RPS6KC1: variants seen among roughly 807,000 people sequenced by gnomAD.
The protein encoded by RPS6KC1 is ribosomal protein S6 kinase C1, also known as inactive ribosomal protein S6 kinase delta-1.
Under a neutral mutation model 103.8 loss-of-function variants are expected in RPS6KC1, and 54 were observed. The ratio of observed to expected loss-of-function variants is 0.52; its 90% CI spans 0.42 to 0.65. RPS6KC1 has a LOEUF of 0.65. Ranked by LOEUF, RPS6KC1 falls within the 30% of genes least tolerant of loss-of-function variation. RPS6KC1 has a pLI of 0.00. For missense variants in RPS6KC1, 1,151 were observed against 1,253.8 expected, an observed-to-expected ratio of 0.92 and a Z score of 1.24; for synonymous variants, 439 against 438.7, an observed-to-expected ratio of 1.00 and a Z score of -0.01.
chr1:213,829,013 G>A, the RPS6KC1 span, among the ~76,000 whole-genome samples: 1 of 152,152 alleles, frequency 6.6e-6, no homozygotes, highest in Non-Finnish European at 1.5e-5. Context: ...GCTAGTGGGT[G>A]CAGAGAGTGG....
the RPS6KC1 span, among the ~76,000 whole-genome samples, chr1:213,666,317 A>G: frequency 6.6e-6 from 1 of 152,140 alleles, no homozygotes; most frequent in Non-Finnish European, 1.5e-5. Context: ...TACATGACCA[A>G]TTATCTCCTC....
chr1:213,605,476 A>G, the RPS6KC1 span, among the ~76,000 whole-genome samples: 1 of 152,236 alleles, frequency 6.6e-6, no homozygotes, highest in African/African-American at 2.4e-5. Flanking sequence ...ATTTAATGTC[A>G]AAATGTACAC....
chr1:213,140,035 T>G (rs1378873204), intron 6 of RPS6KC1, among the ~76,000 whole-genome samples: 2 of 152,114 alleles, frequency 1.3e-5, no homozygotes, highest in African/African-American at 4.8e-5. Flanking sequence ...TGTTTTATAA[T>G]TCTCATTGTA....
chr1:213,712,166 T>C, the RPS6KC1 span, among the ~76,000 whole-genome samples: 2 of 152,234 alleles, frequency 1.3e-5, no homozygotes, highest in Non-Finnish European at 2.9e-5. Flanking sequence ...GTTTTATCTA[T>C]AAGCCTCTGA....
the RPS6KC1 span, among the ~76,000 whole-genome samples, chr1:213,403,120 TC>T: frequency 1.3e-5 from 2 of 151,802 alleles, no homozygotes; most frequent in African/African-American, 4.8e-5. Context: ...AGAGCAAGAC[TC>T]CGTCTCAAAA....
downstream of RPS6KC1, among the ~76,000 whole-genome samples, chr1:213,277,768 T>G (rs772602033): frequency 6.6e-6 from 1 of 152,240 alleles, no homozygotes; most frequent in Non-Finnish European, 1.5e-5. Flanking sequence ...GTGATTTCTT[T>G]TGGGCAGGAA....
chr1:213,465,900 T>G, the RPS6KC1 span, among the ~76,000 whole-genome samples: 1 of 152,106 alleles, frequency 6.6e-6, no homozygotes, highest in African/African-American at 2.4e-5. Context: ...ACAACTGCCC[T>G]CATTTCCCCA....
At chr1:213,211,261 C>T (rs111405994) in intron 8 of RPS6KC1, among the ~76,000 whole-genome samples, 1,589 of 152,250 alleles carry the variant, frequency 0.01, 31 homozygotes, top group African/African-American at 0.036. Context: ...TGGCATGAGC[C>T]GAACTTGGGC....
chr1:213,206,884 G>T (rs974098188), intron 8 of RPS6KC1, among the ~76,000 whole-genome samples: 3 of 152,146 alleles, frequency 2.0e-5, no homozygotes, highest in African/African-American at 4.8e-5. Context: ...AGGCCAAGGT[G>T]GGCGGATCAC....
At chr1:213,176,347 C>T (rs1353257914) in intron 7 of RPS6KC1, 53 bp from the exon 8 acceptor site, 1 of 1,252,522 alleles carries the variant, frequency 8.0e-7, no homozygotes, top group African/African-American at 1.5e-5. Flanking sequence ...AGCAGGCAGC[C>T]TTCCTTCAAG....
At chr1:213,756,122 AT>A in the RPS6KC1 span, among the ~76,000 whole-genome samples, 2 of 152,194 alleles carry the variant, frequency 1.3e-5, no homozygotes, top group East Asian at 3.9e-4. Flanking sequence ...CAAGGAAGAA[AT>A]CTTACCTGTG....
the RPS6KC1 span, among the ~76,000 whole-genome samples, chr1:213,482,373 T>G: frequency 1.8e-4 from 27 of 152,146 alleles, no homozygotes; most frequent in African/African-American, 6.0e-4. Flanking sequence ...TGGAGATGCT[T>G]ATTTGTTTTG....
At chr1:213,092,671 CAAAA>C (rs56935040) in intron 3 of RPS6KC1, among the ~76,000 whole-genome samples, 1 of 82,676 alleles carries the variant, frequency 1.2e-5, no homozygotes. Context: ...GACTCCATCT[CAAAA>C]AAAAAAAAAA....
the RPS6KC1 span, among the ~76,000 whole-genome samples, chr1:213,427,692 C>G: frequency 6.6e-6 from 1 of 152,162 alleles, no homozygotes; most frequent in Non-Finnish European, 1.5e-5. Context: ...AGTCATTTGC[C>G]TAAGTCACAC....
At chr1:213,446,919 A>G in the RPS6KC1 span, among the ~76,000 whole-genome samples, 1 of 152,238 alleles carries the variant, frequency 6.6e-6, no homozygotes, top group African/African-American at 2.4e-5. Context: ...CTATGCAAAC[A>G]CAGTAGTAGT....
chr1:213,827,334 C>G, the RPS6KC1 span, among the ~76,000 whole-genome samples: 1 of 152,160 alleles, frequency 6.6e-6, no homozygotes, highest in Admixed American at 6.5e-5. Flanking sequence ...GCTGGGCTTG[C>G]CTGCAACAAC....
At chr1:213,135,625 C>A (rs2086185450) in intron 6 of RPS6KC1, among the ~76,000 whole-genome samples, 3 of 152,096 alleles carry the variant, frequency 2.0e-5, no homozygotes, top group East Asian at 3.8e-4. Context: ...TGTTTTGAAA[C>A]TGGCTAGAAG....
At chr1:213,301,221 G>A in the RPS6KC1 span, among the ~76,000 whole-genome samples, 1 of 152,106 alleles carries the variant, frequency 6.6e-6, no homozygotes, top group Non-Finnish European at 1.5e-5. Context: ...TATTATTTTA[G>A]TAGGGTTCTA....
the RPS6KC1 span, among the ~76,000 whole-genome samples, chr1:213,357,846 G>A: frequency 2.0e-5 from 3 of 152,220 alleles, no homozygotes; most frequent in Admixed American, 2.0e-4. Flanking sequence ...GCTGGCTCTT[G>A]TGTGGCGGGA....
Sources: gnomAD v4.1 joint callset for allele counts (sites outside exome capture counted in the v4.1 genomes callset) on GRCh38, gnomAD v4.1.1 for gene constraint, MANE v1.5 for transcripts, NCBI Gene and HGNC (gene_info 2026-07-23, HGNC 2026-07-21) for gene names.